PRKN: variants seen among roughly 807,000 people sequenced by gnomAD.
PRKN encodes E3 ubiquitin-protein ligase parkin.
A neutral mutation model predicts 59.5 loss-of-function variants in PRKN; 56 were observed. The observed-to-expected ratio is 0.94, with a 90% CI of 0.76 to 1.18. The LOEUF is 1.18. Ranked by LOEUF, PRKN falls within the 50% of genes most tolerant of loss-of-function variation. The pLI is 0.00. For synonymous variants in PRKN, 250 were observed against 222.1 expected (o/e 1.13, Z -1.12); for missense variants, 657 against 596.4 (o/e 1.10, Z -1.06).
At chr6:162,026,680 C>A (rs929392335) in intron 5 of PRKN, among the ~76,000 whole-genome samples, 1 of 152,156 alleles carries the variant, frequency 6.6e-6, no homozygotes, top group African/African-American at 2.4e-5. Flanking sequence ...TTTCCCCCCA[C>A]AAATGGCATT....
At chr6:162,530,854 T>G (rs1480360823) in intron 1 of PRKN, among the ~76,000 whole-genome samples, 1 of 151,842 alleles carries the variant, frequency 6.6e-6, no homozygotes, top group African/African-American at 2.4e-5. Flanking sequence ...CTCAGGAATT[T>G]GAGACCAGCC....
intron 1 of PRKN, among the ~76,000 whole-genome samples, chr6:162,672,188 A>C (rs567069685): frequency 6.6e-6 from 1 of 152,316 alleles, no homozygotes; most frequent in South Asian, 2.1e-4. Context: ...AAATACACTA[A>C]AGATGTTGTC....
At position 161,468,169 on chromosome 6, in the gene PRKN, C is replaced by T. The variant is rs963277460; in HGVS notation, c.1083+80685G>A. ...TGTATTTTTAGTAGAGACGGGGTTT[C>T]GCCATGTTGGCCAGGCTGGTCTTGA... On this transcript the variant is annotated intron_variant, in intron 9 of 11. Transcript: ENST00000366898. The surrounding 1 kb of genome is among the most constrained non-coding windows in gnomAD (Gnocchi z 5.9). 7.2e-5 allele frequency among the ~76,000 whole-genome samples: 11 copies of T among 152,132 alleles called. No individual in the cohort carries two copies. The highest frequency in any genetic ancestry group is 2.2e-4 in the African/African-American group (9 of 41,534).
At chr6:162,307,638 G>T (rs907419349) in intron 2 of PRKN, among the ~76,000 whole-genome samples, 1 of 152,098 alleles carries the variant, frequency 6.6e-6, no homozygotes, top group Non-Finnish European at 1.5e-5. Context: ...GACATGTCAT[G>T]ATTAATGATG....
chr6:162,449,520 C>A (rs965970655), intron 1 of PRKN, among the ~76,000 whole-genome samples: 6 of 152,132 alleles, frequency 3.9e-5, no homozygotes, highest in African/African-American at 1.4e-4. Context: ...TTACTAGCTA[C>A]AAGCATTTTT....
intron 6 of PRKN, among the ~76,000 whole-genome samples, chr6:161,871,178 G>A (rs1256159359): frequency 2.0e-5 from 3 of 152,028 alleles, no homozygotes; most frequent in African/African-American, 7.2e-5. Context: ...AGTTTTCCTG[G>A]GAGCTGTTTT....
intron 1 of PRKN, among the ~76,000 whole-genome samples, chr6:162,679,373 G>C (rs1779684503): frequency 6.6e-6 from 1 of 152,126 alleles, no homozygotes; most frequent in Non-Finnish European, 1.5e-5. Context: ...CAAAATGCTA[G>C]AATTACAGGT....
At chr6:161,995,406 C>A (rs546670826) in intron 5 of PRKN, among the ~76,000 whole-genome samples, 2 of 152,080 alleles carry the variant, frequency 1.3e-5, no homozygotes, top group African/African-American at 2.4e-5. Flanking sequence ...ATAAAAAGTA[C>A]ATAAATGGGA....
intron 1 of PRKN, among the ~76,000 whole-genome samples, chr6:162,532,577 T>C (rs1227255800): frequency 1.3e-5 from 2 of 152,194 alleles, no homozygotes; most frequent in African/African-American, 4.8e-5. Flanking sequence ...CTCTGTGTCC[T>C]AGCACCCTGC....
chr6:161,900,530 TTATA>T (rs907111356), intron 6 of PRKN, among the ~76,000 whole-genome samples: 4 of 93,626 alleles, frequency 4.3e-5, no homozygotes, highest in Non-Finnish European at 8.2e-5. Flanking sequence ...AACATATCTT[TTATA>T]TATATTATAA....
intron 6 of PRKN, among the ~76,000 whole-genome samples, chr6:161,935,168 CT>C (rs1293802789): frequency 1.3e-5 from 2 of 152,110 alleles, no homozygotes; most frequent in Non-Finnish European, 2.9e-5. Flanking sequence ...TATAGAAAAA[CT>C]ACGCATGGAT....
chr6:162,651,119 C>CTTTG lies in PRKN; in HGVS notation c.7+76539_7+76542dup, dbSNP rs149491590. On this transcript the variant is annotated intron_variant, in intron 1 of 11. Transcript: ENST00000366898. ...TCAACTGAGAGCAACCACAATATGG[C>CTTTG]TTTGTTTGTTTGTTTGTTTGTTTGT... Among the ~76,000 whole-genome samples, 230 of 152,120 alleles carry CTTTG rather than the reference C, an allele frequency of 1.5e-3. 1 individual carries two copies. Among genetic ancestry groups the CTTTG allele is most frequent in the East Asian group, 4.8e-3 (25 of 5,166 alleles).
chr6:162,602,154 G>A (rs1442888198), intron 1 of PRKN, among the ~76,000 whole-genome samples: 1 of 152,194 alleles, frequency 6.6e-6, no homozygotes, highest in Non-Finnish European at 1.5e-5. Context: ...CCTCCGCGTA[G>A]TCCCAAAGAG....
rs35458503 is a variant in PRKN at position 161,554,712 on chromosome 6, TTGTGTGTG to T, written c.934-5717_934-5710del. ...TACAATCCTGATATACATACAGGGATTGTGTGTGTGTGTGTGTGTGTGTATATATATAT... is the reference window on the plus strand; with the variant it reads ...TACAATCCTGATATACATACAGGGATTGTGTGTGTGTGTGTATATATATAT... On this transcript the variant is annotated intron_variant, in intron 8 of 11. Transcript: ENST00000366898. This position sits in a 1 kb window ranked among gnomAD's most constrained non-coding sequence, Gnocchi z 4.5. 8.6e-5 allele frequency among the ~76,000 whole-genome samples: 12 copies of T among 138,914 alleles called. No individual in the cohort carries two copies. Among genetic ancestry groups the T allele is most frequent in the South Asian group, 2.4e-4 (1 of 4,218 alleles). The allele number at this position is 138,914 out of a possible 152,430, so 91.1% of individuals were successfully genotyped here.
intron 3 of PRKN, among the ~76,000 whole-genome samples, chr6:162,245,004 G>A (rs917883218): frequency 3.9e-5 from 6 of 152,042 alleles, no homozygotes; most frequent in Non-Finnish European, 5.9e-5. Flanking sequence ...TCTCTTGAGC[G>A]TAAAATATTG....
chr6:162,171,849 G>T (rs1191733561), intron 4 of PRKN, among the ~76,000 whole-genome samples: 2 of 152,166 alleles, frequency 1.3e-5, no homozygotes, highest in African/African-American at 2.4e-5. Flanking sequence ...GCCCTAGGAG[G>T]ATACGGACTT....
intron 1 of PRKN, among the ~76,000 whole-genome samples, chr6:162,603,410 A>G (rs1189102920): frequency 1.3e-5 from 2 of 152,174 alleles, no homozygotes; most frequent in Non-Finnish European, 2.9e-5. Flanking sequence ...GCAGCCTGCT[A>G]TTGGTTTCTG....
At chr6:162,015,609 C>T (rs1782907073) in intron 5 of PRKN, among the ~76,000 whole-genome samples, 1 of 152,186 alleles carries the variant, frequency 6.6e-6, no homozygotes, top group South Asian at 2.1e-4. Context: ...TCCTTTCTCC[C>T]CTGTCACCTT....
intron 7 of PRKN, among the ~76,000 whole-genome samples, chr6:161,663,607 C>T (rs928510329): frequency 6.6e-6 from 1 of 152,168 alleles, no homozygotes; most frequent in Non-Finnish European, 1.5e-5. Context: ...GAGTGCATGT[C>T]AGGCAAGTTT....
Sources: allele counts gnomAD v4.1 joint callset (sites outside exome capture counted in the v4.1 genomes callset), GRCh38; gene constraint gnomAD v4.1.1; non-coding constraint Gnocchi (gnomAD v3.1); transcripts MANE v1.5; gene names NCBI Gene and HGNC (gene_info 2026-07-23, HGNC 2026-07-21).